WDR12: variants seen among roughly 807,000 people sequenced by gnomAD.
WDR12 encodes WD repeat domain 12.
WDR12 carries 42 observed loss-of-function variants against 64.3 expected under a neutral mutation model. That is an observed-to-expected ratio of 0.65 (90% CI 0.51 to 0.84). WDR12 has a LOEUF of 0.84. WDR12 is among the 40% of genes least tolerant of loss of function. The probability of loss-of-function intolerance (pLI) is 0.00; values close to 1 mark genes in which losing one functional copy is unlikely to be tolerated. For synonymous variants in WDR12, 158 were observed against 173.3 expected (o/e 0.91, Z 0.70); for missense variants, 469 against 494.6 (o/e 0.95, Z 0.49).
In WDR12 at chr2:202,897,431, AT is replaced by A. The variant is rs762468777; in HGVS notation, c.339-17del. 6 of 1,455,494 alleles carry A rather than the reference AT, an allele frequency of 4.1e-6. No individual in the cohort carries two copies. The highest frequency in any genetic ancestry group is 4.6e-6 in the Non-Finnish European group (5 of 1,080,444). 90.2% of individuals were successfully genotyped at this position (1,455,494 alleles called of 1,614,324 possible). On this transcript the variant is annotated splice_polypyrimidine_tract_variant and intron_variant, in intron 4 of 12. Transcript: ENST00000261015. ...AGTCAAGATCCTATGAGAAAAAAAAATCTTATGAAACACAAAAAGCAGTTTT... is the reference window on the plus strand; with the variant it reads ...AGTCAAGATCCTATGAGAAAAAAAAACTTATGAAACACAAAAAGCAGTTTT...
At chr2:202,890,153 G>A (rs1025659318) in intron 8 of WDR12, among the ~76,000 whole-genome samples, 1 of 151,764 alleles carries the variant, frequency 6.6e-6, no homozygotes, top group South Asian at 2.1e-4. Flanking sequence ...ACCTCAGTCT[G>A]GGGAGGCTGA....
At chr2:202,909,556 T>C (rs967487290) in intron 1 of WDR12, among the ~76,000 whole-genome samples, 1 of 152,092 alleles carries the variant, frequency 6.6e-6, no homozygotes, top group African/African-American at 2.4e-5. Flanking sequence ...AGCTCAAGGA[T>C]GATGAAAAAT....
rs1687994187 is a variant in WDR12 at position 202,883,646 on chromosome 2, A to G, written c.1084T>C (p.Ser362Pro). ...PTHEQQLISG[S>P]LDNIVKLWDT... is the part of the protein sequence containing the mutation. The stretch of plus-strand genomic sequence containing the variant: ...CACAGCTTAACAATGTTATCTAAAG[A>G]TCCTGAAATCAGCTGCTGTTCATGG... Residue 362 changes from serine (S) to proline (P), a missense_variant, in exon 11 of 13, where the codon TCT (serine) becomes CCT (proline). By Grantham distance (74) the Ser-to-Pro change is moderately conservative. Coordinates refer to ENST00000261015, the MANE Select transcript of WDR12 (RefSeq NM_018256.4). The G allele has an allele frequency of 6.2e-7, 1 of 1,614,018 alleles. No homozygotes were observed.
At chr2:202,887,806 T>C (rs1473538242) in intron 8 of WDR12, among the ~76,000 whole-genome samples, 1 of 146,590 alleles carries the variant, frequency 6.8e-6, no homozygotes, top group African/African-American at 2.5e-5. Context: ...GAGAATGGCG[T>C]GAACCCGGGA....
chr2:202,911,255 A>G (rs1468620624), intron 1 of WDR12, among the ~76,000 whole-genome samples, 181 bp downstream of exon 1: 1 of 152,200 alleles, frequency 6.6e-6, no homozygotes, highest in Non-Finnish European at 1.5e-5. Flanking sequence ...GAAGCCCTTC[A>G]GCCTCCTCCA....
rs1382640290 is a variant in WDR12, at chr2:202,877,811, C to T, written c.*3049G>A. On this transcript the variant is annotated 3_prime_UTR_variant, in exon 13 of 13. Transcript: ENST00000261015. ...CAGGTTCCTAGCTTTTCCCCAACCA[C>T]GGGAAAGCAGCACCACTCATTTATC... is the stretch of plus-strand genomic sequence containing the variant. The T allele has an allele frequency of 2.0e-5, 3 of 152,230 alleles. No individual in the cohort carries two copies. The highest frequency in any genetic ancestry group is 3.9e-4 in the East Asian group (2 of 5,194). The allele number at this position is 152,230 out of a possible 1,614,324, so 9.4% of individuals were successfully genotyped here. A position where few individuals can be genotyped will look rare whatever the true frequency, so the allele number is the denominator to read the frequency against.
Position 202,880,831 on chromosome 2 carries a change from A to G in WDR12, c.*29T>C, listed in dbSNP as rs750658428. The G allele has an allele frequency of 6.3e-7, 1 of 1,587,128 alleles. No individual in the cohort carries two copies. Among genetic ancestry groups the G allele is most frequent in the South Asian group, 1.2e-5 (1 of 86,384 alleles). Reference sequence around the variant, plus strand: ...CTCTACCAATTTCATTTACAGAAATAATCTCTATAGTCAAATTATTGTTCA... The same window carrying G: ...CTCTACCAATTTCATTTACAGAAATGATCTCTATAGTCAAATTATTGTTCA... On this transcript the variant is annotated 3_prime_UTR_variant, in exon 13 of 13. Coordinates refer to ENST00000261015, the MANE Select transcript of WDR12 (RefSeq NM_018256.4).
At chr2:202,902,205 A>G (rs900135386) in intron 2 of WDR12, among the ~76,000 whole-genome samples, 3 of 152,234 alleles carry the variant, frequency 2.0e-5, no homozygotes, top group African/African-American at 7.2e-5. Context: ...TCTTACAGGA[A>G]TAATTCTTTC....
At chr2:202,895,967 A>C in intron 6 of WDR12, 98 bp downstream of exon 6, 1 of 1,388,530 alleles carries the variant, frequency 7.2e-7, no homozygotes, top group Non-Finnish European at 9.8e-7. Context: ...GATTGTTAGG[A>C]AACTAGGCCA....
rs1336678628 is a variant in WDR12 at position 202,889,469 on chromosome 2, C to T, written c.741+3148G>A. 2.0e-5 allele frequency among the ~76,000 whole-genome samples: 3 copies of T among 150,304 alleles called. No homozygotes were observed. In the South Asian group the frequency reaches 6.4e-4, roughly 32 times the overall value. Reference sequence around the variant, plus strand: ...GCCCAGGAGTTTGAGACAGCTCGGGCAACAAAGCAAGACACCATCTCTATA... The same window carrying T: ...GCCCAGGAGTTTGAGACAGCTCGGGTAACAAAGCAAGACACCATCTCTATA... On this transcript the variant is annotated intron_variant, in intron 8 of 12. Transcript: ENST00000261015.
In WDR12 at chr2:202,907,924, G is replaced by C; in HGVS notation, c.77C>G (p.Ala26Gly). 3 of 1,614,032 alleles carry C rather than the reference G, an allele frequency of 1.9e-6. No homozygotes were observed. The highest frequency in any genetic ancestry group is 2.5e-6 in the Non-Finnish European group (3 of 1,179,984). Reference sequence around the variant, plus strand: ...ACTAAGGTCGGCAATTTCAGAGGCAGCAGGGATTGAGAAGGGAACATCATC... The same window carrying C: ...ACTAAGGTCGGCAATTTCAGAGGCACCAGGGATTGAGAAGGGAACATCATC... ...AVDDVPFSIPAASEIADLSNI... is the reference protein window; with the variant it reads ...AVDDVPFSIPGASEIADLSNI... Residue 26 changes from alanine (A) to glycine (G), a missense_variant, in exon 2 of 13, where the codon GCT becomes GGT. Coordinates refer to ENST00000261015, the MANE Select transcript of WDR12 (RefSeq NM_018256.4).
intron 7 of WDR12, 74 bp from the exon 8 acceptor site, chr2:202,892,776 A>G: frequency 2.5e-5 from 27 of 1,068,402 alleles, no homozygotes; most frequent in Non-Finnish European, 3.4e-5. Context: ...AATTCTTTAC[A>G]TTTCCAGATA....
intron 1 of WDR12, among the ~76,000 whole-genome samples, chr2:202,908,960 T>C (rs1160461714): frequency 6.6e-6 from 1 of 152,210 alleles, no homozygotes; most frequent in Non-Finnish European, 1.5e-5. Flanking sequence ...TCATTAGTCA[T>C]CCAGGTAATG....
At position 202,878,717 on chromosome 2, in the gene WDR12, C is replaced by T. The variant is rs190015220; in HGVS notation, c.*2143G>A. 3.2e-5 allele frequency: 4 copies of T among 126,534 alleles called. No homozygotes were observed. The highest frequency in any genetic ancestry group is 5.8e-5 in the Non-Finnish European group (3 of 52,078). 7.8% of individuals were successfully genotyped at this position (126,534 alleles called of 1,614,324 possible). A position where few individuals can be genotyped will look rare whatever the true frequency, so the allele number is the denominator to read the frequency against. On this transcript the variant is annotated 3_prime_UTR_variant, in exon 13 of 13. Coordinates refer to ENST00000261015, the MANE Select transcript of WDR12 (RefSeq NM_018256.4). ...CTGCAGCCAAGTTTAGATATTGTTT[C>T]GCAGACTTCTGCAACAGGAACATCA...
intron 3 of WDR12, among the ~76,000 whole-genome samples, chr2:202,900,821 CAT>C (rs993505719): frequency 2.0e-5 from 3 of 151,774 alleles, no homozygotes; most frequent in Admixed American, 6.6e-5. Context: ...CAGGAATATA[CAT>C]ATATATATAC....
At chr2:202,903,964 C>T (rs1183274299) in intron 2 of WDR12, among the ~76,000 whole-genome samples, 2 of 151,422 alleles carry the variant, frequency 1.3e-5, no homozygotes, top group Admixed American at 6.6e-5. Flanking sequence ...ATGGTGAAAC[C>T]AAGGCTGTAC....
At chr2:202,893,828 C>T (rs72934765) in intron 7 of WDR12, among the ~76,000 whole-genome samples, 13,542 of 152,114 alleles carry the variant, frequency 0.089, 743 homozygotes, top group Non-Finnish European at 0.12. Flanking sequence ...CCTCAATTTG[C>T]TCCTTTTAAT....
intron 12 of WDR12, among the ~76,000 whole-genome samples, chr2:202,881,419 C>T (rs992032783): frequency 6.6e-6 from 1 of 151,976 alleles, no homozygotes; most frequent in African/African-American, 2.4e-5. Flanking sequence ...AAGATTTTTC[C>T]AACTGGTAAA....
At chr2:202,892,561 A>C (rs1688172777) in intron 8 of WDR12, 56 bp downstream of exon 8, 1 of 1,193,004 alleles carries the variant, frequency 8.4e-7, no homozygotes, top group African/African-American at 1.5e-5. Context: ...TTAAATTACC[A>C]TCTATTTGTC....
Sources: allele counts gnomAD v4.1 joint callset (sites outside exome capture counted in the v4.1 genomes callset), GRCh38; gene constraint gnomAD v4.1.1; transcripts MANE v1.5; gene names NCBI Gene and HGNC (gene_info 2026-07-23, HGNC 2026-07-21).